IL1RAPL2: variants seen among roughly 807,000 people sequenced by gnomAD.
IL1RAPL2 encodes the protein X-linked interleukin-1 receptor accessory protein-like 2.
IL1RAPL2 carries 3 observed loss-of-function variants against 44.1 expected under a neutral mutation model. The observed-to-expected ratio is 0.07, with a 90% confidence interval of 0.03 to 0.18. The LOEUF is 0.18. Among genes scored for constraint, IL1RAPL2 ranks in the 10% least tolerant of loss-of-function variants. The pLI is 1.00. For missense variants in IL1RAPL2, 391 were observed against 496.4 expected (o/e 0.79, Z 2.02); for synonymous variants, 181 against 178.8 (o/e 1.01, Z -0.10).
intron 2 of IL1RAPL2, among the ~76,000 whole-genome samples, chrX:104,919,276 A>C (rs1408197380): frequency 1.9e-5 from 2 of 102,670 alleles, no homozygotes; most frequent in Non-Finnish European, 3.9e-5. Flanking sequence ...CCCAGGCTGG[A>C]GTGCAATGGC....
intron 5 of IL1RAPL2, among the ~76,000 whole-genome samples, chrX:105,363,241 T>C (rs2035260838): frequency 1.0e-5 from 1 of 99,431 alleles, no homozygotes; most frequent in African/African-American, 3.6e-5. Flanking sequence ...TATATGTGTG[T>C]ATAAATGTTA....
Position 105,749,113 on chromosome X carries a change from C to T in IL1RAPL2, c.1192+10C>T. Reference sequence around the variant, plus strand: ...GATGAAACTAATGATGGTAAGCTGTCTTCTATTGTTCAAATTCCATTAAAC... The same window carrying T: ...GATGAAACTAATGATGGTAAGCTGTTTTCTATTGTTCAAATTCCATTAAAC... On this transcript the variant is annotated intron_variant, in intron 9 of 10. Transcript: ENST00000372582. The T allele has an allele frequency of 8.4e-7, 1 of 1,195,578 alleles. No individual in the cohort carries two copies. Among genetic ancestry groups the T allele is most frequent in the African/African-American group, 1.7e-5 (1 of 57,395 alleles).
At chrX:105,219,036 G>A (rs782651786) in intron 3 of IL1RAPL2, 8 of 1,211,302 alleles carry the variant, frequency 6.6e-6, no homozygotes, top group South Asian at 1.8e-5. Context: ...AATTCACAGC[G>A]TTACACCAAG....
Position 105,011,328 on chromosome X carries a change from G to A in IL1RAPL2, c.83-184147G>A, listed in dbSNP as rs978490990. Reference sequence around the variant, plus strand: ...TAAAATATCTCTGAAAAATGTTTCAGCTTTTCTTCTTGCTTTTTAGTTGCT... The same window carrying A: ...TAAAATATCTCTGAAAAATGTTTCAACTTTTCTTCTTGCTTTTTAGTTGCT... On this transcript the variant is annotated intron_variant, in intron 2 of 10. Transcript: ENST00000372582. 3.6e-5 allele frequency among the ~76,000 whole-genome samples: 4 copies of A among 111,202 alleles called. No individual in the cohort carries two copies. The Admixed American group carries it at 3.8e-4, about 11-fold the overall frequency.
At chrX:105,553,277 C>T (rs1404929335) in intron 6 of IL1RAPL2, among the ~76,000 whole-genome samples, 1 of 111,725 alleles carries the variant, frequency 9.0e-6, no homozygotes, top group Non-Finnish European at 1.9e-5. Context: ...TAGTTGGCAG[C>T]GGCTTTGAAG....
chrX:105,378,979 G>A (rs941000733), intron 5 of IL1RAPL2, among the ~76,000 whole-genome samples: 5 of 111,716 alleles, frequency 4.5e-5, no homozygotes, highest in African/African-American at 1.3e-4. Context: ...ATTTTTGCCA[G>A]TTACTTGTAT....
intron 1 of IL1RAPL2, among the ~76,000 whole-genome samples, chrX:104,630,265 A>G (rs942535615): frequency 9.2e-6 from 1 of 108,983 alleles, no homozygotes; most frequent in African/African-American, 3.4e-5. Context: ...CTCCTGCCTC[A>G]GCCCCCTGAG....
intron 2 of IL1RAPL2, among the ~76,000 whole-genome samples, chrX:104,903,519 G>C (rs920007819): frequency 3.6e-5 from 4 of 111,458 alleles, no homozygotes; most frequent in Non-Finnish European, 7.5e-5. Context: ...GAAAAGAATG[G>C]GTGTCCATTG....
At chrX:105,249,572 A>G (rs986057924) in intron 4 of IL1RAPL2, among the ~76,000 whole-genome samples, 3 of 111,528 alleles carry the variant, frequency 2.7e-5, no homozygotes, top group Admixed American at 9.6e-5. Context: ...ATTATTACAC[A>G]TTGGATGTCT....
intron 5 of IL1RAPL2, among the ~76,000 whole-genome samples, chrX:105,419,945 T>C (rs937876783): frequency 9.0e-6 from 1 of 111,390 alleles, no homozygotes; most frequent in African/African-American, 3.3e-5. Context: ...AGACCATTTG[T>C]GAAAGGATGA....
intron 3 of IL1RAPL2, among the ~76,000 whole-genome samples, chrX:105,196,484 C>A (rs781859196): frequency 9.0e-6 from 1 of 110,724 alleles, no homozygotes; most frequent in Non-Finnish European, 1.9e-5. Context: ...GTTTCAAATG[C>A]GTCTAGATTT....
At chrX:104,882,452 A>G (rs901259401) in intron 2 of IL1RAPL2, among the ~76,000 whole-genome samples, 5 of 112,236 alleles carry the variant, frequency 4.5e-5, no homozygotes, top group African/African-American at 1.3e-4. Context: ...TTCAACATCC[A>G]TGGTAATGAG....
At chrX:104,651,100 T>C (rs1027197531) in intron 1 of IL1RAPL2, among the ~76,000 whole-genome samples, 2 of 112,227 alleles carry the variant, frequency 1.8e-5, no homozygotes, top group African/African-American at 6.5e-5. Flanking sequence ...CAGCAAAATT[T>C]GTTGAATTAA....
At chrX:105,540,883 T>TTATATATGATATATAATACATACA (rs1462400584) in intron 6 of IL1RAPL2, among the ~76,000 whole-genome samples, 5 of 51,601 alleles carry the variant, frequency 9.7e-5, no homozygotes, top group African/African-American at 2.7e-4. Context: ...CATACATATA[T>TTATATATGATATATAATACATACA]TATATATGAT....
intron 5 of IL1RAPL2, among the ~76,000 whole-genome samples, chrX:105,388,983 C>T (rs1326536473): frequency 9.0e-6 from 1 of 111,263 alleles, no homozygotes; most frequent in Non-Finnish European, 1.9e-5. Context: ...GATATGTTAT[C>T]AGCATAAATT....
chrX:105,273,486 A>G (rs1024524912), intron 5 of IL1RAPL2, among the ~76,000 whole-genome samples: 4 of 111,911 alleles, frequency 3.6e-5, no homozygotes, highest in Non-Finnish European at 7.5e-5. Context: ...AACTGGCCAC[A>G]AAGAAGTTAT....
In IL1RAPL2 at chrX:105,015,676, T is replaced by A. The variant is rs188334865; in HGVS notation, c.83-179799T>A. On this transcript the variant is annotated intron_variant, in intron 2 of 10. Transcript: ENST00000372582. ...CTGTTCTGTTCCATTTGTCTGTATA[T>A]CTGTTTTGGTACCAGTACTATGCTA... 2.7e-5 allele frequency among the ~76,000 whole-genome samples: 3 copies of A among 111,765 alleles called. No homozygotes were observed. In the Admixed American group the frequency reaches 2.9e-4, roughly 11 times the overall value.
chrX:104,986,919 C>T (rs1473609973), intron 2 of IL1RAPL2, among the ~76,000 whole-genome samples: 1 of 112,155 alleles, frequency 8.9e-6, no homozygotes, highest in African/African-American at 3.2e-5. Context: ...TTCTTATACT[C>T]CTGCTGTGGG....
At chrX:104,577,477 A>C (rs754116369) in intron 1 of IL1RAPL2, among the ~76,000 whole-genome samples, 1 of 112,076 alleles carries the variant, frequency 8.9e-6, no homozygotes, top group African/African-American at 3.2e-5. Flanking sequence ...CAGGGACAAA[A>C]GAATGAGAAG....
Sources: gnomAD v4.1 joint callset for allele counts (sites outside exome capture counted in the v4.1 genomes callset) on GRCh38, gnomAD v4.1.1 for gene constraint, MANE v1.5 for transcripts, NCBI Gene and HGNC (gene_info 2026-07-23, HGNC 2026-07-21) for gene names.